DGKI: variants seen among roughly 807,000 people sequenced by gnomAD.
DGKI encodes the protein diacylglycerol kinase iota.
In DGKI, 55 loss-of-function variants were observed where a neutral mutation model predicts 147.5. The observed-to-expected ratio is 0.37, with a 90% CI of 0.30 to 0.47. The LOEUF (loss-of-function observed/expected upper bound fraction) is 0.47. Ranked by LOEUF, DGKI falls within the 20% of genes least tolerant of loss-of-function variation. The pLI, the probability that DGKI is intolerant of heterozygous loss-of-function variation, is 1.00. For missense variants in DGKI, 1,007 were observed against 1,323.8 expected, an observed-to-expected ratio of 0.76 and a Z score of 3.71; for synonymous variants, 469 against 477.1, an observed-to-expected ratio of 0.98 and a Z score of 0.22.
Position 137,846,959 on chromosome 7 carries a change from C to G in DGKI, c.-97G>C, listed in dbSNP as rs1406591265. 4.3e-6 allele frequency: 4 copies of G among 931,294 alleles called. No homozygotes were observed. The highest frequency in any genetic ancestry group is 1.8e-5 in the African/African-American group (1 of 56,198). 57.7% of individuals were successfully genotyped at this position (931,294 alleles called of 1,614,324 possible). Reference sequence around the variant, plus strand: ...CCGCTCCCCGCCTCCCGCGCCCTCCCGCGCCGGCCCGCACCCTCCAGCCCC... The same window carrying G: ...CCGCTCCCCGCCTCCCGCGCCCTCCGGCGCCGGCCCGCACCCTCCAGCCCC... On this transcript the variant is annotated 5_prime_UTR_variant, in exon 1 of 33. Coordinates refer to ENST00000614521, the MANE Select transcript of DGKI (RefSeq NM_001321708.2). The surrounding 1 kb of genome is among the most constrained non-coding windows in gnomAD (Gnocchi z 4.0).
intron 20 of DGKI, among the ~76,000 whole-genome samples, chr7:137,532,533 C>T (rs1267418297): frequency 1.3e-5 from 2 of 152,106 alleles, no homozygotes; most frequent in African/African-American, 4.8e-5. Flanking sequence ...GGTCCTCAAT[C>T]CTCAGTGGGG....
intron 1 of DGKI, among the ~76,000 whole-genome samples, chr7:137,700,603 C>T (rs1038437604): frequency 6.6e-5 from 10 of 152,140 alleles, no homozygotes; most frequent in East Asian, 5.8e-4. Flanking sequence ...CATGGCAGAG[C>T]GCAGTGGCTT....
intron 27 of DGKI, among the ~76,000 whole-genome samples, chr7:137,460,598 C>T (rs1814399412): frequency 6.6e-6 from 1 of 152,150 alleles, no homozygotes; most frequent in African/African-American, 2.4e-5. Flanking sequence ...TTGCATTATA[C>T]TTACCAGTTG....
chr7:137,540,760 C>T (rs77694967), intron 20 of DGKI, among the ~76,000 whole-genome samples: 1 of 24,150 alleles, frequency 4.1e-5, no homozygotes, highest in African/African-American at 1.3e-4. Flanking sequence ...TAAAAACCCC[C>T]CCAAAAAAAA....
intron 1 of DGKI, among the ~76,000 whole-genome samples, chr7:137,697,622 T>C (rs901048419): frequency 5.3e-5 from 8 of 152,182 alleles, no homozygotes; most frequent in Non-Finnish European, 1.0e-4. Flanking sequence ...TCACAGGTTA[T>C]CTTCTAGCCT....
At chr7:137,539,817 C>A (rs936071301) in intron 20 of DGKI, among the ~76,000 whole-genome samples, 9 of 151,808 alleles carry the variant, frequency 5.9e-5, no homozygotes, top group Non-Finnish European at 1.3e-4. Context: ...AAAGCCAATT[C>A]TTCAAAAAAG....
intron 20 of DGKI, among the ~76,000 whole-genome samples, chr7:137,535,294 C>T (rs546663715): frequency 6.9e-4 from 105 of 152,170 alleles, no homozygotes; most frequent in Non-Finnish European, 1.3e-3. Context: ...GCTTGGGAAT[C>T]TCTGCCAATT....
chr7:137,450,940 A>T (rs1813928796), intron 27 of DGKI, among the ~76,000 whole-genome samples: 1 of 152,052 alleles, frequency 6.6e-6, no homozygotes, highest in Non-Finnish European at 1.5e-5. Flanking sequence ...ACTAGCATAC[A>T]CAGAGAAACT....
At chr7:137,480,788 A>G (rs750644047) in intron 23 of DGKI, among the ~76,000 whole-genome samples, 1 of 152,168 alleles carries the variant, frequency 6.6e-6, no homozygotes, top group Non-Finnish European at 1.5e-5. Context: ...TATGGTATGC[A>G]CTAAAATCTC....
chr7:137,806,137 TC>T (rs1346956040), intron 1 of DGKI, among the ~76,000 whole-genome samples: 6 of 152,142 alleles, frequency 3.9e-5, no homozygotes, highest in African/African-American at 1.4e-4. Context: ...TAGATGAAGG[TC>T]CCCACCTGAT....
chr7:137,827,530 T>C (rs1212517344), intron 1 of DGKI, among the ~76,000 whole-genome samples: 1 of 152,178 alleles, frequency 6.6e-6, no homozygotes, highest in Non-Finnish European at 1.5e-5. Flanking sequence ...TCTCCTCCTA[T>C]TGAAATCCTA....
chr7:137,697,844 A>C (rs938885574), intron 1 of DGKI, among the ~76,000 whole-genome samples: 1 of 152,080 alleles, frequency 6.6e-6, no homozygotes, highest in Admixed American at 6.5e-5. Flanking sequence ...TTCCCTTGTC[A>C]AAATTTAGAA....
intron 28 of DGKI, among the ~76,000 whole-genome samples, chr7:137,430,823 C>T (rs1424434722): frequency 6.6e-6 from 1 of 151,962 alleles, no homozygotes; most frequent in Non-Finnish European, 1.5e-5. Flanking sequence ...ACAGGGACCT[C>T]TAAAATAGGG....
chr7:137,430,949 C>T (rs1016510772), intron 28 of DGKI, among the ~76,000 whole-genome samples: 1 of 152,088 alleles, frequency 6.6e-6, no homozygotes, highest in Non-Finnish European at 1.5e-5. Flanking sequence ...AACTCCCACC[C>T]CTATAACATC....
At chr7:137,417,837 C>T (rs186775210) in intron 28 of DGKI, among the ~76,000 whole-genome samples, 178 of 152,308 alleles carry the variant, frequency 1.2e-3, no homozygotes, top group African/African-American at 3.7e-3. Flanking sequence ...TTTCTTTTTG[C>T]TTTCCCATTA....
intron 1 of DGKI, among the ~76,000 whole-genome samples, chr7:137,830,370 C>T (rs1054925945): frequency 6.6e-6 from 1 of 152,184 alleles, no homozygotes; most frequent in Non-Finnish European, 1.5e-5. Flanking sequence ...GCCTCAGTGC[C>T]CCCCACCACA....
intron 20 of DGKI, 91 bp downstream of exon 20, chr7:137,552,278 A>G: frequency 7.0e-7 from 1 of 1,425,386 alleles, no homozygotes; most frequent in Non-Finnish European, 9.7e-7. Flanking sequence ...TCCTCTTCCC[A>G]ACACAGTGAG....
intron 27 of DGKI, among the ~76,000 whole-genome samples, chr7:137,444,842 G>A (rs539874321): frequency 5.3e-5 from 8 of 152,310 alleles, no homozygotes; most frequent in African/African-American, 1.9e-4. Context: ...TAAGTTTGGA[G>A]ATGAATTCAC....
rs1811096733 is a variant in DGKI at position 137,383,110 on chromosome 7, AG to A, written c.*8109del. 2 of 151,914 alleles carry A rather than the reference AG, an allele frequency of 1.3e-5. No individual in the cohort carries two copies. The highest frequency in any genetic ancestry group is 6.6e-5 in the Admixed American group (1 of 15,238). 9.4% of individuals were successfully genotyped at this position (151,914 alleles called of 1,614,324 possible). On this transcript the variant is annotated 3_prime_UTR_variant, in exon 33 of 33. Coordinates refer to ENST00000614521, the MANE Select transcript of DGKI (RefSeq NM_001321708.2). ...CCCAAACAACAAATGGGTAGTAAGT[AG>A]GGGAAAGAACACTAAATCCTTTGTT...
Sources: gnomAD v4.1 joint callset for allele counts (sites outside exome capture counted in the v4.1 genomes callset) on GRCh38, gnomAD v4.1.1 for gene constraint, Gnocchi (gnomAD v3.1) non-coding constraint, MANE v1.5 for transcripts, NCBI Gene and HGNC (gene_info 2026-07-23, HGNC 2026-07-21) for gene names.